The following ENOX1 variants were observed in gnomAD, a reference collection of about 807,000 sequenced individuals.
ENOX1 encodes the protein candidate growth-related and time keeping constitutive hydroquinone (NADH) oxidase.
A neutral mutation model predicts 82.5 loss-of-function variants in ENOX1; 42 were observed. The observed-to-expected ratio is 0.51, with a 90% CI of 0.40 to 0.66. The LOEUF (loss-of-function observed/expected upper bound fraction) is 0.66. ENOX1 is among the 30% of genes least tolerant of loss of function. The pLI is 0.00. For missense variants in ENOX1, 608 were observed against 811.6 expected (o/e 0.75, Z 3.05); for synonymous variants, 271 against 282.2 (o/e 0.96, Z 0.40).
At chr13:43,720,274 C>T (rs1448124275) in intron 1 of ENOX1, among the ~76,000 whole-genome samples, 1 of 152,150 alleles carries the variant, frequency 6.6e-6, no homozygotes, top group Non-Finnish European at 1.5e-5. Flanking sequence ...GATAAGGCAG[C>T]CCTGGACTAG....
intron 1 of ENOX1, among the ~76,000 whole-genome samples, chr13:43,709,506 G>A (rs2087543192): frequency 6.6e-6 from 1 of 151,910 alleles, no homozygotes; most frequent in African/African-American, 2.4e-5. Context: ...TCTGCAAAGA[G>A]CAAGTAACAA....
chr13:43,518,821 C>A (rs931626971), intron 2 of ENOX1, among the ~76,000 whole-genome samples: 1 of 152,166 alleles, frequency 6.6e-6, no homozygotes, highest in African/African-American at 2.4e-5. Flanking sequence ...TATTGGTTTA[C>A]CATCTCTGAG....
At chr13:43,683,048 A>C (rs1195452184) in intron 1 of ENOX1, among the ~76,000 whole-genome samples, 2 of 152,200 alleles carry the variant, frequency 1.3e-5, no homozygotes, top group Non-Finnish European at 2.9e-5. Flanking sequence ...GGCACGTCAA[A>C]TCTAAGGTAT....
chr13:43,712,281 A>G (rs2087777553), intron 1 of ENOX1, among the ~76,000 whole-genome samples: 1 of 149,148 alleles, frequency 6.7e-6, no homozygotes, highest in South Asian at 2.2e-4. Context: ...ATTGATCTAT[A>G]TCTCTGTTTT....
intron 14 of ENOX1, among the ~76,000 whole-genome samples, chr13:43,258,847 C>A (rs754714148): frequency 8.5e-5 from 13 of 152,172 alleles, no homozygotes; most frequent in Non-Finnish European, 1.8e-4. Context: ...TGGAAAAATA[C>A]AAATAAAATT....
intron 1 of ENOX1, among the ~76,000 whole-genome samples, chr13:43,671,526 A>G (rs2085266403): frequency 1.3e-5 from 2 of 152,196 alleles, no homozygotes; most frequent in Non-Finnish European, 2.9e-5. Flanking sequence ...ATTTGTTCCC[A>G]TGATACTCTC....
chr13:43,667,486 T>C lies in ENOX1; in HGVS notation c.-226A>G, dbSNP rs553565597. On this transcript the variant is annotated 5_prime_UTR_variant, in exon 2 of 17. The change abolishes an upstream ATG in the 5' untranslated region. Transcript: ENST00000690772. ...CACATACCATCCCTTTACCTGAGCA[T>C]GGTGAGCTCTCTCTCCTCCACATAT... The C allele has an allele frequency of 1.0e-4, 100 of 985,406 alleles. 1 individual carries two copies. Among genetic ancestry groups the C allele is most frequent in the Non-Finnish European group, 2.3e-5 (19 of 829,928 alleles). The allele number at this position is 985,406 out of a possible 1,614,324, so 61.0% of individuals were successfully genotyped here.
At chr13:43,277,860 GT>G (rs570338941) in intron 12 of ENOX1, among the ~76,000 whole-genome samples, 187 of 152,232 alleles carry the variant, frequency 1.2e-3, no homozygotes, top group African/African-American at 4.3e-3. Context: ...GGAGGAGTGA[GT>G]TTTTTTAGGA....
intron 15 of ENOX1, among the ~76,000 whole-genome samples, chr13:43,228,095 C>CCTTTTTT (rs2042107980): frequency 9.4e-5 from 8 of 84,722 alleles, no homozygotes; most frequent in African/African-American, 3.7e-4. Flanking sequence ...CTCTTTGCAG[C>CCTTTTTT]TTTTTTTTTT....
intron 5 of ENOX1, among the ~76,000 whole-genome samples, chr13:43,407,251 C>A (rs1373448372): frequency 6.6e-6 from 1 of 151,968 alleles, no homozygotes; most frequent in East Asian, 1.9e-4. Flanking sequence ...AACACCTGAC[C>A]CAAATTTTGA....
At chr13:43,586,345 T>C (rs557888651) in intron 2 of ENOX1, among the ~76,000 whole-genome samples, 1 of 152,382 alleles carries the variant, frequency 6.6e-6, no homozygotes, top group South Asian at 2.1e-4. Context: ...CATCCAACTG[T>C]AATGTCTGCT....
chr13:43,262,214 T>C (rs1050030659), intron 14 of ENOX1, among the ~76,000 whole-genome samples: 7 of 152,160 alleles, frequency 4.6e-5, no homozygotes, highest in African/African-American at 1.7e-4. Context: ...TTTTTTTTCC[T>C]TACCCCTATA....
At chr13:43,485,211 T>C (rs1003959024) in intron 2 of ENOX1, among the ~76,000 whole-genome samples, 1 of 152,180 alleles carries the variant, frequency 6.6e-6, no homozygotes, top group African/African-American at 2.4e-5. Flanking sequence ...TATATTTGTT[T>C]CTGATGGTTC....
At chr13:43,388,980 A>AG (rs1456233577) in intron 5 of ENOX1, among the ~76,000 whole-genome samples, 2 of 152,208 alleles carry the variant, frequency 1.3e-5, no homozygotes, top group Admixed American at 1.3e-4. Context: ...GGAGGCCCTT[A>AG]AAGTTATAGT....
chr13:43,547,575 T>C (rs2079025366), intron 2 of ENOX1: 1 of 152,062 alleles, frequency 6.6e-6, no homozygotes, highest in Non-Finnish European at 1.5e-5. Context: ...ATAAAACATA[T>C]AAAGGGGCAA....
Position 43,361,411 on chromosome 13 carries a change from T to C in ENOX1, c.250A>G (p.Met84Val), listed in dbSNP as rs1193250491. 1.9e-6 allele frequency: 3 copies of C among 1,613,102 alleles called. No homozygotes were observed. In the African/African-American group the frequency reaches 4.0e-5, roughly 22 times the overall value. The change falls in exon 6 of 17, where the codon ATG (methionine) becomes GTG (valine). Residue 84 changes from methionine to valine, a missense_variant. Coordinates refer to ENST00000690772, the MANE Select transcript of ENOX1 (RefSeq NM_001347969.2). Reference protein sequence around the residue: ...VPGFDPSLNMMTGITPINPMI... With the variant: ...VPGFDPSLNMVTGITPINPMI... ...GGGTTAATGGGGGTGATTCCAGTCA[T>C]CATGTTGAGGCTTGGATCAAAGCCT...
chr13:43,706,191 T>C (rs1291272688), intron 1 of ENOX1, among the ~76,000 whole-genome samples: 1 of 151,698 alleles, frequency 6.6e-6, no homozygotes, highest in Admixed American at 6.6e-5. Context: ...TTTAAAAAAG[T>C]AAGAAAGGTT....
chr13:43,579,777 A>T (rs1158389519), intron 2 of ENOX1, among the ~76,000 whole-genome samples: 1 of 152,214 alleles, frequency 6.6e-6, no homozygotes, highest in East Asian at 1.9e-4. Context: ...AGTCAAAAAC[A>T]AAACAAAACA....
At chr13:43,626,272 G>A (rs1202548763) in intron 2 of ENOX1, among the ~76,000 whole-genome samples, 2 of 151,740 alleles carry the variant, frequency 1.3e-5, no homozygotes, top group Non-Finnish European at 3.0e-5. Flanking sequence ...TTCAAATAAA[G>A]AGCACTTTAT....
Sources: allele counts gnomAD v4.1 joint callset (sites outside exome capture counted in the v4.1 genomes callset), GRCh38; gene constraint gnomAD v4.1.1; transcripts MANE v1.5; gene names NCBI Gene and HGNC (gene_info 2026-07-23, HGNC 2026-07-21).